P2RY6: variants seen among roughly 807,000 people sequenced by gnomAD.
The protein encoded by P2RY6 is pyrimidinergic receptor P2Y6.
Under a neutral mutation model 16.3 loss-of-function variants are expected in P2RY6, and 19 were observed. The ratio of observed to expected loss-of-function variants is 1.16; its 90% CI spans 0.81 to 1.71. The LOEUF is 1.71. P2RY6 is among the 40% of genes most tolerant of loss of function. P2RY6 has a pLI of 0.00. For missense variants in P2RY6, 389 were observed against 455.5 expected (o/e 0.85, Z 1.33); for synonymous variants, 184 against 201.5 (o/e 0.91, Z 0.74).
At chr11:73,290,302 G>GAAA (rs780342559) in intron 1 of P2RY6, among the ~76,000 whole-genome samples, 1 of 80,898 alleles carries the variant, frequency 1.2e-5, no homozygotes, top group Non-Finnish European at 2.6e-5. Context: ...AAGAAAGAAA[G>GAAA]AAAAGAAAGA....
intron 1 of P2RY6, among the ~76,000 whole-genome samples, chr11:73,293,838 G>A (rs623627): frequency 0.34 from 52,194 of 151,986 alleles, 10,055 homozygotes; most frequent in Admixed American, 0.46. Context: ...GAGACAGAGG[G>A]CTGTCCCTGG....
In P2RY6 at chr11:73,280,310, G is replaced by A. The variant is rs190876830; in HGVS notation, c.-121+7844G>A. Among the ~76,000 whole-genome samples, 287 of 152,220 alleles carry A rather than the reference G, an allele frequency of 1.9e-3. 1 individual carries two copies. The highest frequency in any genetic ancestry group is 6.6e-3 in the African/African-American group (274 of 41,512). On this transcript the variant is annotated intron_variant, in intron 1 of 2. Transcript: ENST00000540124. The stretch of plus-strand genomic sequence containing the variant: ...AAAATAATAACCAGTCCCACCTTGC[G>A]GGGTCCTTATGAGGATTAAATGGGG...
At chr11:73,287,549 T>C (rs982586612) in intron 1 of P2RY6, among the ~76,000 whole-genome samples, 2 of 152,186 alleles carry the variant, frequency 1.3e-5, no homozygotes, top group African/African-American at 4.8e-5. Context: ...GGCTGAACAA[T>C]GACTGCCAGG....
chr11:73,279,517 G>A (rs1034960387), intron 1 of P2RY6, among the ~76,000 whole-genome samples: 5 of 152,162 alleles, frequency 3.3e-5, no homozygotes, highest in African/African-American at 4.8e-5. Flanking sequence ...TAAATAAAAA[G>A]CCCAAGGTAG....
intron 1 of P2RY6, among the ~76,000 whole-genome samples, chr11:73,280,665 G>C (rs973472852): frequency 5.3e-5 from 8 of 152,218 alleles, no homozygotes; most frequent in Admixed American, 2.0e-4. Context: ...GGCCTCCCCT[G>C]TCCCTGAGTT....
upstream of P2RY6, chr11:73,272,316 T>A: frequency 2.0e-6 from 2 of 985,342 alleles, no homozygotes; most frequent in Non-Finnish European, 2.4e-6. Flanking sequence ...GGTCTCTCGG[T>A]TTCCTCATCT....
chr11:73,278,437 T>A (rs547492864), intron 1 of P2RY6, among the ~76,000 whole-genome samples: 3 of 152,306 alleles, frequency 2.0e-5, no homozygotes, highest in African/African-American at 7.2e-5. Flanking sequence ...ATGCTGGGAT[T>A]ACAGGCATGA....
At position 73,289,713 on chromosome 11, in the gene P2RY6, A is replaced by C. The variant is rs556507419; in HGVS notation, c.-120-6017A>C. On this transcript the variant is annotated intron_variant, in intron 1 of 2. Coordinates refer to ENST00000540124, the MANE Select transcript of P2RY6 (RefSeq NM_001277204.2). ...ACTCCCCTGGGAATCCCCTGATCTG[A>C]GCATCCAAGCTCCGATTTTGGGGGG... Among the ~76,000 whole-genome samples the C allele has an allele frequency of 2.2e-3, 342 of 152,306 alleles. 3 individuals are homozygous for C. The highest frequency in any genetic ancestry group is 5.5e-3 in the African/African-American group (227 of 41,572).
intron 1 of P2RY6, among the ~76,000 whole-genome samples, chr11:73,279,859 C>A (rs1301322873): frequency 2.0e-5 from 3 of 152,188 alleles, no homozygotes; most frequent in Non-Finnish European, 4.4e-5. Context: ...GCAGGACAGG[C>A]AAACATTCCT....
chr11:73,289,455 G>C (rs1327906559), intron 1 of P2RY6: 1 of 152,382 alleles, frequency 6.6e-6, no homozygotes, highest in African/African-American at 2.4e-5. Context: ...CTGAGAACGA[G>C]AGCTTCAGCT....
chr11:73,296,607 C>A lies in P2RY6; in HGVS notation c.89C>A (p.Pro30Gln). 1 of 1,614,264 alleles carries A rather than the reference C, an allele frequency of 6.2e-7. No homozygotes were observed. Among genetic ancestry groups the A allele is most frequent in the South Asian group, 1.1e-5 (1 of 91,090 alleles). The change falls in exon 3 of 3, where the codon CCA (proline) becomes CAA (glutamine). Residue 30 changes from proline to glutamine, a missense_variant. Coordinates refer to ENST00000540124, the MANE Select transcript of P2RY6 (RefSeq NM_001277204.2). ...YRENFKQLLL[P>Q]PVYSAVLAAG... ...GAGAACTTCAAGCAACTGCTGCTGC[C>A]ACCTGTGTATTCGGCGGTGCTGGCG...
Position 73,296,852 on chromosome 11 carries a change from G to C in P2RY6, c.334G>C (p.Gly112Arg). The C allele has an allele frequency of 6.2e-7, 1 of 1,610,714 alleles. No homozygotes were observed. The highest frequency in any genetic ancestry group is 8.5e-7 in the Non-Finnish European group (1 of 1,180,026). The change falls in exon 3 of 3, where the codon GGC (glycine) becomes CGC (arginine). Residue 112 changes from glycine to arginine, a missense_variant. Physicochemically the swap from Gly to Arg is moderately radical, Grantham distance 125 (BLOSUM62 -2). Coordinates refer to ENST00000540124, the MANE Select transcript of P2RY6 (RefSeq NM_001277204.2). ...CTTCCTCTTCTATGCCAACCTGCACGGCAGCATCCTCTTCCTCACCTGCAT... is the reference window on the plus strand; with the variant it reads ...CTTCCTCTTCTATGCCAACCTGCACCGCAGCATCCTCTTCCTCACCTGCAT... ...VRFLFYANLH[G>R]SILFLTCISF... is the part of the protein sequence containing the mutation.
intron 1 of P2RY6, chr11:73,265,167 T>A (rs2135672028): frequency 6.5e-6 from 1 of 153,072 alleles, no homozygotes; most frequent in East Asian, 1.9e-4. Context: ...TGGGGCACAT[T>A]TGTGCAGGGG....
chr11:73,295,831 G>A lies in P2RY6; in HGVS notation c.-35+16G>A, dbSNP rs60784246. ...TGAGCCCCTGGTGTGTGGACCCTTC[G>A]CATTGGTTAACTAAGAGTTATCAGG... is the stretch of plus-strand genomic sequence containing the variant. On this transcript the variant is annotated intron_variant, in intron 2 of 2. Coordinates refer to ENST00000540124, the MANE Select transcript of P2RY6 (RefSeq NM_001277204.2). The A allele has an allele frequency of 3.1e-3, 2,983 of 970,230 alleles. 49 individuals carry two copies. In the East Asian group the frequency reaches 0.05, roughly 16 times the overall value. The allele number at this position is 970,230 out of a possible 1,614,324, so 60.1% of individuals were successfully genotyped here.
At chr11:73,272,648 C>T (rs1863362049) in intron 1 of P2RY6, among the ~76,000 whole-genome samples, 182 bp downstream of exon 1, 1 of 152,220 alleles carries the variant, frequency 6.6e-6, no homozygotes, top group Non-Finnish European at 1.5e-5. Context: ...GCAGACTGCA[C>T]AGCATGGAGG....
upstream of P2RY6, among the ~76,000 whole-genome samples, chr11:73,269,519 C>A (rs550274196): frequency 6.6e-6 from 1 of 152,178 alleles, no homozygotes; most frequent in South Asian, 2.1e-4. Context: ...TAGGGGTTTG[C>A]GGGGCTCCCC....
chr11:73,295,375 C>G (rs1252184900), intron 1 of P2RY6, among the ~76,000 whole-genome samples: 2 of 152,196 alleles, frequency 1.3e-5, no homozygotes, highest in Non-Finnish European at 2.9e-5. Flanking sequence ...GGGGGAGCAA[C>G]ATTTAAACCC....
intron 1 of P2RY6, among the ~76,000 whole-genome samples, chr11:73,290,302 GA>G (rs780342559): frequency 4.1e-3 from 328 of 80,892 alleles, no homozygotes; most frequent in East Asian, 6.8e-3. Flanking sequence ...AAGAAAGAAA[GA>G]AAAGAAAGAA....
At chr11:73,287,908 T>G (rs1186170873) in intron 1 of P2RY6, among the ~76,000 whole-genome samples, 3 of 152,222 alleles carry the variant, frequency 2.0e-5, no homozygotes, top group Non-Finnish European at 4.4e-5. Flanking sequence ...GCCGTCCCTC[T>G]GCTCACCGGG....
Sources: gnomAD v4.1 joint callset for allele counts (sites outside exome capture counted in the v4.1 genomes callset) on GRCh38, gnomAD v4.1.1 for gene constraint, MANE v1.5 for transcripts, NCBI Gene and HGNC (gene_info 2026-07-23, HGNC 2026-07-21) for gene names.